The following PWWP2A variants were observed in gnomAD, a reference collection of about 807,000 sequenced individuals.
PWWP2A encodes PWWP domain containing 2A, also known as PWWP domain-containing protein 2A.
PWWP2A carries 18 observed loss-of-function variants against 48.5 expected under a neutral mutation model. That is an observed-to-expected ratio of 0.37 (90% CI 0.26 to 0.55). The LOEUF is 0.55. PWWP2A is among the 20% of genes least tolerant of loss of function. The pLI, the probability that PWWP2A is intolerant of heterozygous loss-of-function variation, is 0.81. For missense variants in PWWP2A, 867 were observed against 976.4 expected (o/e 0.89, Z 1.49); for synonymous variants, 396 against 387.7 (o/e 1.02, Z -0.25).
At chr5:160,069,707 A>C (rs1050706634) in intron 2 of PWWP2A, among the ~76,000 whole-genome samples, 3 of 152,182 alleles carry the variant, frequency 2.0e-5, no homozygotes, top group Admixed American at 2.0e-4. Context: ...CTATAAAAAT[A>C]AATACATAAT....
chr5:160,091,097 C>T, downstream of PWWP2A: 1 of 984,312 alleles, frequency 1.0e-6, no homozygotes, highest in Non-Finnish European at 1.2e-6. Context: ...GAGAAATTGG[C>T]AGGAAGGGGA....
At chr5:160,085,691 G>C (rs1754578831) in intron 2 of PWWP2A, among the ~76,000 whole-genome samples, 1 of 152,010 alleles carries the variant, frequency 6.6e-6, no homozygotes, top group Non-Finnish European at 1.5e-5. Flanking sequence ...ATTTTTAATA[G>C]AGACGGGGTT....
Position 160,092,357 on chromosome 5 carries a change from G to C in PWWP2A, c.*25C>G. 1 of 1,508,530 alleles carries C rather than the reference G, an allele frequency of 6.6e-7. No individual in the cohort carries two copies. 93.4% of individuals were successfully genotyped at this position (1,508,530 alleles called of 1,614,324 possible). On this transcript the variant is annotated 3_prime_UTR_variant, in exon 2 of 2. Coordinates refer to ENST00000307063, the MANE Select transcript of PWWP2A (RefSeq NM_001130864.2). ...AGAAAATCTGTGGTGACTTCCAATGGTCTTGCCTACCTTACTGCCCATGTT... is the reference window on the plus strand; with the variant it reads ...AGAAAATCTGTGGTGACTTCCAATGCTCTTGCCTACCTTACTGCCCATGTT...
chr5:160,111,903 C>T (rs1298788176), intron 1 of PWWP2A, among the ~76,000 whole-genome samples: 1 of 151,626 alleles, frequency 6.6e-6, no homozygotes, highest in African/African-American at 2.4e-5. Flanking sequence ...ACCTGTAATC[C>T]CAACACTTTG....
At position 160,092,025 on chromosome 5, in the gene PWWP2A, TACACACACACAC is replaced by T; in HGVS notation, c.*345_*356del. 2 of 434,054 alleles carry T rather than the reference TACACACACACAC, an allele frequency of 4.6e-6. No individual in the cohort carries two copies. Among genetic ancestry groups the T allele is most frequent in the Non-Finnish European group, 5.9e-6 (2 of 338,264 alleles). The allele number at this position is 434,054 out of a possible 1,614,324, so 26.9% of individuals were successfully genotyped here. A position where few individuals can be genotyped will look rare whatever the true frequency, so the allele number is the denominator to read the frequency against. On this transcript the variant is annotated 3_prime_UTR_variant, in exon 2 of 2. Transcript: ENST00000307063. The stretch of plus-strand genomic sequence containing the variant: ...ATATACATACACGGATATATATATA[TACACACACACAC>T]ACGTATATATATGTATATATACAGT...
chr5:160,068,502 G>A lies in PWWP2A; in HGVS notation c.*80-1631C>T, dbSNP rs184712152. ...TAATCCCAGCTACCCAGGAGGCTGA[G>A]GCAGGAGAATCGTTTGGACCCAACA... On this transcript the variant is annotated intron_variant and NMD_transcript_variant, in intron 2 of 5. Transcript: ENST00000524050. 1.2e-3 allele frequency among the ~76,000 whole-genome samples: 190 copies of A among 152,328 alleles called. 1 individual carries two copies. The highest frequency in any genetic ancestry group is 3.3e-3 in the African/African-American group (137 of 41,580).
At chr5:160,074,196 T>G (rs1753812090), downstream of PWWP2A, among the ~76,000 whole-genome samples, 2 of 152,232 alleles carry the variant, frequency 1.3e-5, no homozygotes, top group South Asian at 4.1e-4. Context: ...CTCAGCACTT[T>G]GGGAGGCTGA....
At chr5:160,065,395 G>A (rs1300696516) in intron 4 of PWWP2A, 4 of 489,156 alleles carry the variant, frequency 8.2e-6, no homozygotes, top group African/African-American at 1.9e-5. Flanking sequence ...AGCCTCTCCT[G>A]AACCAAACAA....
downstream of PWWP2A, among the ~76,000 whole-genome samples, chr5:160,071,231 C>G (rs1402105814): frequency 6.6e-6 from 1 of 152,054 alleles, no homozygotes; most frequent in African/African-American, 2.4e-5. Flanking sequence ...TCTGGTGCTC[C>G]TTTTTAGTCT....
rs1157400830 is a variant in PWWP2A, at chr5:160,118,918, G to A, written c.471C>T (p.Ile157=). ...AGGDSTVSQL[I]PGSEVRVTLD... is the part of the protein sequence containing the mutation. ...GCGTGACCCGCACCTCCGAGCCCGG[G>A]ATCAGTTGCGACACCGTGGAGTCCC... is the stretch of plus-strand genomic sequence containing the variant. The change falls in exon 1 of 2, where the codon ATC becomes ATT. Residue 157 remains isoleucine (I), a synonymous_variant. Transcript: ENST00000307063. The A allele has an allele frequency of 6.9e-6, 11 of 1,601,910 alleles. No individual in the cohort carries two copies. The highest frequency in any genetic ancestry group is 6.8e-5 in the African/African-American group (5 of 73,618).
Position 160,091,354 on chromosome 5 carries a change from T to C in PWWP2A, c.*1028A>G, listed in dbSNP as rs1755042104. The C allele has an allele frequency of 1.0e-6, 1 of 980,348 alleles. No individual in the cohort carries two copies. Among genetic ancestry groups the C allele is most frequent in the African/African-American group, 1.8e-5 (1 of 57,070 alleles). 60.7% of individuals were successfully genotyped at this position (980,348 alleles called of 1,614,324 possible). A position where few individuals can be genotyped will look rare whatever the true frequency, so the allele number is the denominator to read the frequency against. ...ACACAAATAATTTGGATTTAGTTGA[T>C]TTTATTTACAGCTTTTTTTTGGTTT... is the stretch of plus-strand genomic sequence containing the variant. On this transcript the variant is annotated 3_prime_UTR_variant, in exon 2 of 2. Transcript: ENST00000307063.
At chr5:160,104,122 CAAAAAAAAA>C (rs70990703) in intron 1 of PWWP2A, among the ~76,000 whole-genome samples, 2 of 61,764 alleles carry the variant, frequency 3.2e-5, no homozygotes, top group Non-Finnish European at 5.7e-5. Flanking sequence ...GACTCTGTCT[CAAAAAAAAA>C]AAAAAAAAAG....
At chr5:160,106,392 G>A (rs1418146578) in intron 1 of PWWP2A, among the ~76,000 whole-genome samples, 1 of 152,132 alleles carries the variant, frequency 6.6e-6, no homozygotes, top group Non-Finnish European at 1.5e-5. Context: ...ATGAAACAAT[G>A]TAAACAAAGT....
rs1353213117 is a variant in PWWP2A, at chr5:160,119,332, GC to G, written c.56del (p.Gly19AlafsTer121). The G allele has an allele frequency of 3.6e-6, 5 of 1,388,112 alleles. No individual in the cohort carries two copies. In the South Asian group the frequency reaches 4.8e-5, roughly 13 times the overall value. The allele number at this position is 1,388,112 out of a possible 1,614,324, so 86.0% of individuals were successfully genotyped here. A position where few individuals can be genotyped will look rare whatever the true frequency, so the allele number is the denominator to read the frequency against. On this transcript the variant is annotated frameshift_variant, in exon 1 of 2. Transcript: ENST00000307063. LOFTEE classifies it high-confidence loss of function. ...CCATCTCCGGCTCGGCCTCGCCGGC[GC>G]CCCCCTCCCCGGGGGACGCTGCAGT... ...AATAASPGEG[G>X]AGEAEPEMEP...
At chr5:160,104,432 A>T (rs1352440669) in intron 1 of PWWP2A, among the ~76,000 whole-genome samples, 1 of 139,998 alleles carries the variant, frequency 7.1e-6, no homozygotes, top group African/African-American at 2.7e-5. Flanking sequence ...CCTTGCCTCT[A>T]AAAAAAAAAA....
In PWWP2A at chr5:160,093,994, G is replaced by A. The variant is rs200131795; in HGVS notation, c.656C>T (p.Pro219Leu). 31 of 1,613,786 alleles carry A rather than the reference G, an allele frequency of 1.9e-5. No individual in the cohort carries two copies. The highest frequency in any genetic ancestry group is 1.6e-4 in the Middle Eastern group (1 of 6,078). The change falls in exon 2 of 2, where the codon CCG (proline) becomes CTG (leucine). Residue 219 changes from proline to leucine, a missense_variant. By Grantham distance (98) the Pro-to-Leu change is moderately conservative. This residue lies in a region of PWWP2A where 385 missense variants were observed against 396.9 expected (regional missense o/e 0.97). Coordinates refer to ENST00000307063, the MANE Select transcript of PWWP2A (RefSeq NM_001130864.2). The surrounding 1 kb of genome is among the most constrained non-coding windows in gnomAD (Gnocchi z 5.8). ...REYKDKPEAMPLQSNTFQEGT... is the reference protein window; with the variant it reads ...REYKDKPEAMLLQSNTFQEGT... The stretch of plus-strand genomic sequence containing the variant: ...TTCTTGGAATGTATTACTTTGGAGC[G>A]GCATGGCTTCTGGTTTATCCTTATA...
At chr5:160,104,791 T>G (rs1756697813) in intron 1 of PWWP2A, among the ~76,000 whole-genome samples, 1 of 151,826 alleles carries the variant, frequency 6.6e-6, no homozygotes, top group Non-Finnish European at 1.5e-5. Flanking sequence ...GGCGACAGAG[T>G]GAGACTCCCT....
At chr5:160,085,801 G>A (rs1438607379) in intron 2 of PWWP2A, among the ~76,000 whole-genome samples, 5 of 150,566 alleles carry the variant, frequency 3.3e-5, no homozygotes, top group Admixed American at 1.3e-4. Flanking sequence ...CAACACGCCC[G>A]GCTGTCACAT....
chr5:160,053,250 G>GT, the PWWP2A span, among the ~76,000 whole-genome samples: 1 of 152,194 alleles, frequency 6.6e-6, no homozygotes, highest in Non-Finnish European at 1.5e-5. Context: ...GCTAGTTCCT[G>GT]TTAAAATGAT....
Sources: allele counts gnomAD v4.1 joint callset (sites outside exome capture counted in the v4.1 genomes callset), GRCh38; gene constraint gnomAD v4.1.1; regional missense constraint gnomAD v4.1.1; non-coding constraint Gnocchi (gnomAD v3.1); transcripts MANE v1.5; gene names NCBI Gene and HGNC (gene_info 2026-07-23, HGNC 2026-07-21).